The following OTUD7A variants were observed in gnomAD, a reference collection of about 807,000 sequenced individuals.
The protein encoded by OTUD7A is OTU deubiquitinase 7A, also known as OTU domain-containing protein 7A.
OTUD7A carries 12 observed loss-of-function variants against 65.7 expected under a neutral mutation model. The observed-to-expected ratio is 0.18, with a 90% confidence interval of 0.12 to 0.30. The LOEUF is 0.30. OTUD7A is among the 10% of genes least tolerant of loss of function. The pLI is 1.00. For missense variants in OTUD7A, 1,148 were observed against 1,304.8 expected (o/e 0.88, Z 1.85); for synonymous variants, 641 against 586.3 (o/e 1.09, Z -1.35).
chr15:31,642,002 GA>G (rs1891531177), intron 3 of OTUD7A, among the ~76,000 whole-genome samples: 2 of 152,306 alleles, frequency 1.3e-5, no homozygotes, highest in South Asian at 4.1e-4. Flanking sequence ...GATCTTTGGG[GA>G]AAAGCTTTCT....
At chr15:31,617,302 C>T (rs1595659348) in intron 3 of OTUD7A, among the ~76,000 whole-genome samples, 1 of 152,078 alleles carries the variant, frequency 6.6e-6, no homozygotes. Context: ...TCCTGACCAA[C>T]ATGGTGAAAC....
At chr15:31,618,950 T>G (rs1164780946) in intron 3 of OTUD7A, among the ~76,000 whole-genome samples, 1 of 152,256 alleles carries the variant, frequency 6.6e-6, no homozygotes, top group Non-Finnish European at 1.5e-5. Flanking sequence ...TTAATTTTTG[T>G]ATAAGGTGTA....
intron 1 of OTUD7A, among the ~76,000 whole-genome samples, chr15:31,833,073 C>T (rs1896974153): frequency 6.6e-6 from 1 of 152,214 alleles, no homozygotes; most frequent in Non-Finnish European, 1.5e-5. Context: ...CACTTATTTT[C>T]TGTTTTTATT....
intron 1 of OTUD7A, among the ~76,000 whole-genome samples, chr15:31,774,441 G>C (rs1895317872): frequency 6.6e-6 from 1 of 152,226 alleles, no homozygotes; most frequent in Non-Finnish European, 1.5e-5. Flanking sequence ...CTATGGAGGA[G>C]AAAAAGAGAA....
chr15:31,832,396 G>A (rs1432488062), intron 1 of OTUD7A, among the ~76,000 whole-genome samples: 1 of 151,968 alleles, frequency 6.6e-6, no homozygotes, highest in East Asian at 1.9e-4. Context: ...AGGAATGAGT[G>A]GTCTTTCCAT....
chr15:31,826,644 G>A (rs974473608), intron 1 of OTUD7A, among the ~76,000 whole-genome samples: 1 of 152,178 alleles, frequency 6.6e-6, no homozygotes, highest in Non-Finnish European at 1.5e-5. Flanking sequence ...TTTCTCCTAG[G>A]AAAATAGGAT....
chr15:31,766,297 G>C, intron 1 of OTUD7A: 3 of 1,604,918 alleles, frequency 1.9e-6, no homozygotes, highest in Non-Finnish European at 2.6e-6. Flanking sequence ...TCAACATTTT[G>C]ACTCATTCGG....
chr15:31,476,821 C>T lies in OTUD7A; in HGVS notation c.*6473G>A, dbSNP rs910258560. ...TAAGAAGCTTGTAACAGTATTTTGC[C>T]AACAACTCTTAGAAGAAAACGCATT... is the stretch of plus-strand genomic sequence containing the variant. On this transcript the variant is annotated 3_prime_UTR_variant, in exon 13 of 13. Coordinates refer to ENST00000307050, the MANE Select transcript of OTUD7A (RefSeq NM_001382637.1). The T allele has an allele frequency of 2.0e-5, 3 of 152,248 alleles. No individual in the cohort carries two copies. Among genetic ancestry groups the T allele is most frequent in the Non-Finnish European group, 4.4e-5 (3 of 68,042 alleles). The allele number at this position is 152,248 out of a possible 1,614,324, so 9.4% of individuals were successfully genotyped here.
chr15:31,534,547 GC>G (rs1442585612), intron 5 of OTUD7A, among the ~76,000 whole-genome samples: 1 of 152,200 alleles, frequency 6.6e-6, no homozygotes, highest in African/African-American at 2.4e-5. Context: ...AGAAGTCCTA[GC>G]CAGTGAAATA....
chr15:31,726,237 C>A (rs949285638), intron 1 of OTUD7A, among the ~76,000 whole-genome samples: 5 of 152,008 alleles, frequency 3.3e-5, no homozygotes, highest in Non-Finnish European at 7.4e-5. Context: ...CTGACTAATA[C>A]CTCTCTAGTA....
chr15:31,757,466 A>G (rs891611379), intron 1 of OTUD7A, among the ~76,000 whole-genome samples: 1 of 151,958 alleles, frequency 6.6e-6, no homozygotes, highest in Non-Finnish European at 1.5e-5. Flanking sequence ...GCTACCACTT[A>G]AACACAATGG....
At chr15:31,737,723 T>G (rs1314642434) in intron 1 of OTUD7A, among the ~76,000 whole-genome samples, 8 of 152,226 alleles carry the variant, frequency 5.3e-5, no homozygotes, top group Non-Finnish European at 7.3e-5. Context: ...GTCAGCATGC[T>G]TCTCAGCAGG....
intron 1 of OTUD7A, among the ~76,000 whole-genome samples, chr15:31,774,088 G>A (rs796897708): frequency 5.3e-5 from 8 of 152,350 alleles, no homozygotes; most frequent in African/African-American, 1.9e-4. Context: ...CACTATGAGA[G>A]AATAGTCTGA....
At chr15:31,675,558 A>G (rs556423220) in intron 1 of OTUD7A, among the ~76,000 whole-genome samples, 2 of 152,338 alleles carry the variant, frequency 1.3e-5, no homozygotes, top group East Asian at 1.9e-4. Flanking sequence ...ATTAAATGAT[A>G]TTGATTCTAA....
At chr15:31,765,872 T>C (rs368328868) in intron 1 of OTUD7A, 3 of 1,283,308 alleles carry the variant, frequency 2.3e-6, no homozygotes, top group African/African-American at 2.9e-5. Context: ...TCAAAGGATA[T>C]TCCTTCTGAA....
intron 1 of OTUD7A, among the ~76,000 whole-genome samples, chr15:31,678,043 G>A (rs1292341146): frequency 6.6e-6 from 1 of 152,214 alleles, no homozygotes; most frequent in African/African-American, 2.4e-5. Context: ...TGGAGCAAAG[G>A]TGACCCTTTT....
intron 1 of OTUD7A, among the ~76,000 whole-genome samples, chr15:31,747,346 A>G (rs1056594147): frequency 2.0e-5 from 3 of 152,222 alleles, no homozygotes; most frequent in African/African-American, 7.2e-5. Context: ...AAATAAAAGA[A>G]AGCAGAACTT....
intron 1 of OTUD7A, among the ~76,000 whole-genome samples, chr15:31,830,287 C>T (rs1011153001): frequency 2.0e-5 from 3 of 152,196 alleles, no homozygotes; most frequent in African/African-American, 7.2e-5. Context: ...GACCTCATAT[C>T]TGAGTCAGAC....
intron 7 of OTUD7A, 130 bp from the exon 8 acceptor site, chr15:31,526,591 T>C: frequency 1.6e-6 from 1 of 645,094 alleles, no homozygotes; most frequent in Non-Finnish European, 2.5e-6. Flanking sequence ...CTACCAACTA[T>C]ACCAACTGCA....
Sources: gnomAD v4.1 joint callset for allele counts (sites outside exome capture counted in the v4.1 genomes callset) on GRCh38, gnomAD v4.1.1 for gene constraint, MANE v1.5 for transcripts, NCBI Gene and HGNC (gene_info 2026-07-23, HGNC 2026-07-21) for gene names.